COL5A2: variants seen among roughly 807,000 people sequenced by gnomAD.
The protein encoded by COL5A2 is collagen type V alpha 2 chain.
A neutral mutation model predicts 208.2 loss-of-function variants in COL5A2; 23 were observed. The ratio of observed to expected loss-of-function variants is 0.11; its 90% CI spans 0.08 to 0.16. The LOEUF (loss-of-function observed/expected upper bound fraction) is 0.16. COL5A2 is among the 10% of genes least tolerant of loss of function. COL5A2 has a pLI of 1.00. For missense variants in COL5A2, 1,590 were observed against 1,956.4 expected, an observed-to-expected ratio of 0.81 and a Z score of 3.53; for synonymous variants, 625 against 628.5, an observed-to-expected ratio of 0.99 and a Z score of 0.08.
the COL5A2 span, among the ~76,000 whole-genome samples, chr2:189,322,667 A>G: frequency 2.0e-5 from 3 of 152,214 alleles, no homozygotes; most frequent in Non-Finnish European, 4.4e-5. Flanking sequence ...ACACACTCTG[A>G]AATTGAGGCA....
At chr2:189,325,695 C>G in the COL5A2 span, among the ~76,000 whole-genome samples, 11 of 152,240 alleles carry the variant, frequency 7.2e-5, no homozygotes, top group African/African-American at 2.6e-4. Flanking sequence ...TGTACTTATA[C>G]TTTCACTCTA....
At chr2:189,327,040 C>G in the COL5A2 span, among the ~76,000 whole-genome samples, 1 of 151,234 alleles carries the variant, frequency 6.6e-6, no homozygotes, top group South Asian at 2.1e-4. Flanking sequence ...CACTGCACTC[C>G]AGCCTGGGTG....
At chr2:189,182,336 C>T (rs982360561), upstream of COL5A2, among the ~76,000 whole-genome samples, 5 of 152,162 alleles carry the variant, frequency 3.3e-5, no homozygotes, top group Non-Finnish European at 5.9e-5. Context: ...CTGAAAGGTA[C>T]TTATTATTTT....
intron 1 of COL5A2, among the ~76,000 whole-genome samples, chr2:189,136,088 C>A (rs948798019): frequency 6.6e-6 from 1 of 152,160 alleles, no homozygotes; most frequent in Non-Finnish European, 1.5e-5. Context: ...CTGAGCTAGG[C>A]CTGACTAAAG....
chr2:189,389,260 C>T, the COL5A2 span, among the ~76,000 whole-genome samples: 1 of 152,068 alleles, frequency 6.6e-6, no homozygotes, highest in South Asian at 2.1e-4. Context: ...CTCTATCAGT[C>T]AGCACTTCAG....
chr2:189,282,657 T>C, the COL5A2 span, among the ~76,000 whole-genome samples: 1 of 152,226 alleles, frequency 6.6e-6, no homozygotes, highest in East Asian at 1.9e-4. Flanking sequence ...CTTTAGTATA[T>C]GTAAATGAAA....
At chr2:189,111,225 CAT>C (rs142181065) in intron 1 of COL5A2, among the ~76,000 whole-genome samples, 19,597 of 150,620 alleles carry the variant, frequency 0.13, 1,322 homozygotes, top group Middle Eastern at 0.18. Flanking sequence ...AATACACACA[CAT>C]ATATATGTGT....
At chr2:189,068,143 TAG>T in intron 20 of COL5A2, 30 bp from the exon 21 acceptor site, 1 of 1,605,190 alleles carries the variant, frequency 6.2e-7, no homozygotes, top group Non-Finnish European at 8.5e-7. Context: ...ATGTGGTAAG[TAG>T]AGACACAGGT....
the COL5A2 span, among the ~76,000 whole-genome samples, chr2:189,234,280 CATT>C: frequency 2.0e-5 from 3 of 151,706 alleles, no homozygotes; most frequent in African/African-American, 7.2e-5. Context: ...ATTTTGAAAT[CATT>C]ATTATGGTAT....
chr2:189,131,011 T>C (rs1345185564), intron 1 of COL5A2, among the ~76,000 whole-genome samples: 1 of 152,038 alleles, frequency 6.6e-6, no homozygotes, highest in Non-Finnish European at 1.5e-5. Context: ...ATATGTCTAG[T>C]AGCAAGAAGT....
At chr2:189,045,024 T>A (rs1017194544) in intron 47 of COL5A2, among the ~76,000 whole-genome samples, 155 bp downstream of exon 47, 3 of 152,076 alleles carry the variant, frequency 2.0e-5, no homozygotes, top group Non-Finnish European at 2.9e-5. Flanking sequence ...CGTATTACTT[T>A]AAAAAATAAG....
intron 1 of COL5A2, among the ~76,000 whole-genome samples, chr2:189,200,418 C>T (rs976247294): frequency 3.3e-5 from 5 of 150,912 alleles, no homozygotes; most frequent in African/African-American, 4.9e-5. Flanking sequence ...TAATTAAATG[C>T]CAGATAACCT....
rs1686384891 is a variant in COL5A2, at chr2:189,075,491, TTTCTC to T, written c.1060-59_1060-55del. The stretch of plus-strand genomic sequence containing the variant: ...GATAAGATTACATTTTAGACTATAT[TTTCTC>T]TTATTTGCCTTATAAAAAATTTCCA... On this transcript the variant is annotated intron_variant, in intron 16 of 53. Transcript: ENST00000374866. The T allele has an allele frequency of 3.6e-6, 5 of 1,403,346 alleles. No individual in the cohort carries two copies. In the East Asian group the frequency reaches 1.1e-4, roughly 32 times the overall value. 86.9% of individuals were successfully genotyped at this position (1,403,346 alleles called of 1,614,324 possible).
chr2:189,328,890 C>T, the COL5A2 span, among the ~76,000 whole-genome samples: 1 of 152,200 alleles, frequency 6.6e-6, no homozygotes, highest in Admixed American at 6.5e-5. Context: ...AAAACTTTTG[C>T]CTTACAGAAA....
chr2:189,195,280 G>A (rs148622123), intron 1 of COL5A2, among the ~76,000 whole-genome samples: 2 of 152,180 alleles, frequency 1.3e-5, no homozygotes, highest in East Asian at 1.9e-4. Context: ...CTTCTTCAAG[G>A]AGAGCTACAA....
At chr2:189,272,504 C>T in the COL5A2 span, among the ~76,000 whole-genome samples, 1 of 151,844 alleles carries the variant, frequency 6.6e-6, no homozygotes, top group African/African-American at 2.4e-5. Flanking sequence ...CACACCAGGG[C>T]CTGTCGAGGG....
intron 1 of COL5A2, among the ~76,000 whole-genome samples, chr2:189,162,474 T>C (rs1239589373): frequency 2.0e-5 from 3 of 152,210 alleles, no homozygotes; most frequent in Admixed American, 1.3e-4. Context: ...ATGTTACTGA[T>C]AACACTTTAA....
At chr2:189,245,478 CA>C in the COL5A2 span, among the ~76,000 whole-genome samples, 3 of 129,140 alleles carry the variant, frequency 2.3e-5, no homozygotes, top group African/African-American at 5.9e-5. Context: ...AAGGTATACT[CA>C]AAATTTTTTT....
chr2:189,400,531 CTAAT>C, the COL5A2 span, among the ~76,000 whole-genome samples: 1 of 152,090 alleles, frequency 6.6e-6, no homozygotes, highest in Non-Finnish European at 1.5e-5. Context: ...TCCTTGACGA[CTAAT>C]TAGAGTTATT....
Sources: allele counts gnomAD v4.1 joint callset (sites outside exome capture counted in the v4.1 genomes callset), GRCh38; gene constraint gnomAD v4.1.1; transcripts MANE v1.5; gene names NCBI Gene and HGNC (gene_info 2026-07-23, HGNC 2026-07-21).